Variants in SND1 observed in about 807,000 individuals in gnomAD.
SND1 encodes the protein staphylococcal nuclease and tudor domain containing 1, also known as staphylococcal nuclease domain-containing protein 1.
A neutral mutation model predicts 121.7 loss-of-function variants in SND1; 38 were observed. The ratio of observed to expected loss-of-function variants is 0.31; its 90% CI spans 0.24 to 0.41. The LOEUF (loss-of-function observed/expected upper bound fraction) is 0.41, where lower values mean the gene tolerates loss of function less well. SND1 is among the 10% of genes least tolerant of loss of function. SND1 has a pLI of 1.00. For missense variants in SND1, 868 were observed against 1,184.6 expected (o/e 0.73, Z 3.92); for synonymous variants, 401 against 447.4 (o/e 0.90, Z 1.31).
chr7:127,880,545 G>A (rs1240771328), intron 12 of SND1, among the ~76,000 whole-genome samples: 1 of 152,050 alleles, frequency 6.6e-6, no homozygotes, highest in Non-Finnish European at 1.5e-5. Flanking sequence ...GTGCCCACAT[G>A]TGTTTACCTT....
chr7:127,929,572 A>G (rs1800918810), intron 15 of SND1, among the ~76,000 whole-genome samples: 1 of 152,182 alleles, frequency 6.6e-6, no homozygotes, highest in Non-Finnish European at 1.5e-5. Context: ...GCAACTTGCA[A>G]GCACGCAGCC....
intron 16 of SND1, chr7:127,998,474 G>A (rs1354133319): frequency 6.4e-6 from 1 of 155,508 alleles, no homozygotes; most frequent in Admixed American, 6.2e-5. Flanking sequence ...AACATAGTCT[G>A]CAAATCTCTC....
intron 14 of SND1, among the ~76,000 whole-genome samples, chr7:127,914,980 G>A (rs1307750508): frequency 6.6e-6 from 1 of 152,130 alleles, no homozygotes; most frequent in East Asian, 1.9e-4. Context: ...AACAGTTGAC[G>A]TAAGAGCTCA....
chr7:127,803,313 C>T (rs1297329512), intron 10 of SND1, among the ~76,000 whole-genome samples: 1 of 152,184 alleles, frequency 6.6e-6, no homozygotes, highest in Non-Finnish European at 1.5e-5. Flanking sequence ...CCCTTTCCTG[C>T]TCTCCATGTT....
At chr7:127,873,297 A>G (rs1799631864) in intron 12 of SND1, among the ~76,000 whole-genome samples, 1 of 152,106 alleles carries the variant, frequency 6.6e-6, no homozygotes, top group South Asian at 2.1e-4. Flanking sequence ...TGGTGAGGTG[A>G]CAGAGTAAGA....
At chr7:127,682,079 GT>G in intron 1 of SND1, among the ~76,000 whole-genome samples, 1 of 152,242 alleles carries the variant, frequency 6.6e-6, no homozygotes, top group South Asian at 2.1e-4. Flanking sequence ...GTATGGCTGG[GT>G]TTTTGTATAA....
At chr7:127,871,036 C>A (rs1457822039) in intron 12 of SND1, among the ~76,000 whole-genome samples, 1 of 150,864 alleles carries the variant, frequency 6.6e-6, no homozygotes, top group Non-Finnish European at 1.5e-5. Context: ...AAAAGTAAGA[C>A]ACAAACATAC....
intron 21 of SND1, among the ~76,000 whole-genome samples, chr7:128,087,804 G>A (rs967765087): frequency 1.4e-4 from 22 of 152,260 alleles, no homozygotes; most frequent in African/African-American, 5.3e-4. Context: ...TGCCATCTGA[G>A]AACAGGAGCC....
chr7:128,019,647 T>TA (rs2116961143), intron 16 of SND1, among the ~76,000 whole-genome samples: 1 of 152,366 alleles, frequency 6.6e-6, no homozygotes, highest in East Asian at 1.9e-4. Context: ...TCTGCTAAAT[T>TA]AACTTGGTTA....
intron 13 of SND1, among the ~76,000 whole-genome samples, chr7:127,900,080 A>G (rs757733466): frequency 2.0e-5 from 3 of 152,096 alleles, no homozygotes; most frequent in Non-Finnish European, 4.4e-5. Flanking sequence ...TCTTTCATGT[A>G]TGAAAGTAGT....
At chr7:127,660,558 A>G (rs1795291373) in intron 1 of SND1, among the ~76,000 whole-genome samples, 1 of 152,190 alleles carries the variant, frequency 6.6e-6, no homozygotes, top group Non-Finnish European at 1.5e-5. Context: ...GAAGTGTTTC[A>G]GTTTTTGGAA....
chr7:127,862,463 T>G (rs2116684805), intron 12 of SND1, among the ~76,000 whole-genome samples: 1 of 152,338 alleles, frequency 6.6e-6, no homozygotes, highest in African/African-American at 2.4e-5. Context: ...ATTGCTGTGA[T>G]AGCCATCCAA....
At chr7:128,011,107 C>A (rs569358756) in intron 16 of SND1, among the ~76,000 whole-genome samples, 1 of 152,124 alleles carries the variant, frequency 6.6e-6, no homozygotes, top group Non-Finnish European at 1.5e-5. Context: ...CTGTCCCCCC[C>A]ACCCCCAAAC....
Position 127,908,404 on chromosome 7 carries a change from G to T in SND1, c.1527+3585G>T, listed in dbSNP as rs554040976. 7.9e-5 allele frequency among the ~76,000 whole-genome samples: 12 copies of T among 151,014 alleles called. No individual in the cohort carries two copies. In the South Asian group the frequency reaches 1.5e-3, roughly 18 times the overall value. ...TGCGTCTCTTACACCTATTTTTAGG[G>T]TAACCACTAAAGGAAGAAAATTACA... On this transcript the variant is annotated intron_variant, in intron 14 of 23. Coordinates refer to ENST00000354725, the MANE Select transcript of SND1 (RefSeq NM_014390.4).
chr7:127,941,141 T>G (rs1322910130), intron 15 of SND1, among the ~76,000 whole-genome samples: 2 of 152,234 alleles, frequency 1.3e-5, no homozygotes, highest in African/African-American at 4.8e-5. Context: ...CGTCATTTTA[T>G]TTCATCATTA....
At chr7:127,920,721 A>G (rs1257909004) in intron 14 of SND1, among the ~76,000 whole-genome samples, 1 of 152,178 alleles carries the variant, frequency 6.6e-6, no homozygotes, top group Admixed American at 6.5e-5. Context: ...AGTTAGAGAA[A>G]GAGGATTGAA....
chr7:127,956,572 A>G (rs1457502264), intron 15 of SND1, among the ~76,000 whole-genome samples: 1 of 152,222 alleles, frequency 6.6e-6, no homozygotes, highest in African/African-American at 2.4e-5. Flanking sequence ...GAGAGGCTCG[A>G]TGGATGGCCT....
intron 10 of SND1, among the ~76,000 whole-genome samples, chr7:127,732,090 G>C (rs910475890): frequency 1.3e-5 from 2 of 152,050 alleles, no homozygotes; most frequent in Non-Finnish European, 2.9e-5. Flanking sequence ...TGGATCTGGA[G>C]ACTTCGGCCC....
intron 17 of SND1, among the ~76,000 whole-genome samples, chr7:128,078,070 G>A (rs1793535931): frequency 6.6e-6 from 1 of 152,226 alleles, no homozygotes; most frequent in African/African-American, 2.4e-5. Flanking sequence ...TCTGGCAGGT[G>A]TCTTGCCAGT....
Sources: allele counts gnomAD v4.1 joint callset (sites outside exome capture counted in the v4.1 genomes callset), GRCh38; gene constraint gnomAD v4.1.1; transcripts MANE v1.5; gene names NCBI Gene and HGNC (gene_info 2026-07-23, HGNC 2026-07-21).